Variants in SHB observed in about 807,000 individuals in gnomAD.
SHB encodes the protein SH2 domain containing adaptor protein B, also known as SH2 domain-containing adapter protein B.
Under a neutral mutation model 52.3 loss-of-function variants are expected in SHB, and 20 were observed. That is an observed-to-expected ratio of 0.38 (90% CI 0.27 to 0.56). The LOEUF is 0.56. Ranked by LOEUF, SHB falls within the 20% of genes least tolerant of loss-of-function variation. The pLI is 0.71. For missense variants in SHB, 825 were observed against 723.3 expected, an observed-to-expected ratio of 1.14 and a Z score of -1.61; for synonymous variants, 397 against 316.5, an observed-to-expected ratio of 1.25 and a Z score of -2.70.
At chr9:37,962,782 G>A (rs971656600) in intron 3 of SHB, among the ~76,000 whole-genome samples, 1 of 152,014 alleles carries the variant, frequency 6.6e-6, no homozygotes, top group Non-Finnish European at 1.5e-5. Flanking sequence ...CCAAACGCTG[G>A]GATTATAGGA....
chr9:38,014,655 A>G (rs1408133832), intron 2 of SHB, among the ~76,000 whole-genome samples: 1 of 152,212 alleles, frequency 6.6e-6, no homozygotes, highest in Non-Finnish European at 1.5e-5. Flanking sequence ...AGAAGTCTGG[A>G]CCTAAGTCCC....
chr9:37,991,255 A>G (rs1820878260), intron 2 of SHB, among the ~76,000 whole-genome samples: 1 of 152,194 alleles, frequency 6.6e-6, no homozygotes, highest in Non-Finnish European at 1.5e-5. Flanking sequence ...CAGATACCTG[A>G]GCTGGTATGG....
At chr9:37,951,424 GT>G (rs1236095270) in intron 4 of SHB, among the ~76,000 whole-genome samples, 3 of 152,258 alleles carry the variant, frequency 2.0e-5, no homozygotes, top group African/African-American at 7.2e-5. Flanking sequence ...CTACATGGCT[GT>G]AATCAGGAGA....
chr9:38,004,358 A>C (rs1007751874), intron 2 of SHB, among the ~76,000 whole-genome samples: 1 of 151,924 alleles, frequency 6.6e-6, no homozygotes, highest in African/African-American at 2.4e-5. Flanking sequence ...GGGAAGGTGA[A>C]CCTGAGCTGC....
intron 1 of SHB, among the ~76,000 whole-genome samples, chr9:38,062,201 T>C (rs1010361303): frequency 6.6e-6 from 1 of 152,134 alleles, no homozygotes; most frequent in Non-Finnish European, 1.5e-5. Flanking sequence ...AGGAAGCATA[T>C]AGGTTTTGAA....
intron 5 of SHB, among the ~76,000 whole-genome samples, chr9:37,939,383 G>C (rs1832411679): frequency 6.6e-6 from 1 of 152,226 alleles, no homozygotes; most frequent in Admixed American, 6.5e-5. Flanking sequence ...AAGCCCCTTT[G>C]AGCCTCTGTT....
intron 1 of SHB, among the ~76,000 whole-genome samples, chr9:38,046,168 A>G (rs182325732): frequency 4.7e-4 from 72 of 151,798 alleles, no homozygotes; most frequent in African/African-American, 1.4e-3. Context: ...CGGAAGTTGC[A>G]GTGAGCCGAG....
chr9:38,014,631 G>C (rs1821186614), intron 2 of SHB, among the ~76,000 whole-genome samples: 1 of 152,268 alleles, frequency 6.6e-6, no homozygotes, highest in South Asian at 2.1e-4. Context: ...GAGTGGGCAT[G>C]AGAGGGATGC....
chr9:37,941,151 T>C (rs1435308641), intron 5 of SHB, among the ~76,000 whole-genome samples: 4 of 152,122 alleles, frequency 2.6e-5, no homozygotes, highest in Non-Finnish European at 4.4e-5. Context: ...TAAAGGACAG[T>C]GGATGTGGGC....
intron 2 of SHB, among the ~76,000 whole-genome samples, chr9:38,008,513 G>T (rs1395300172): frequency 2.6e-5 from 4 of 152,260 alleles, no homozygotes; most frequent in African/African-American, 9.6e-5. Context: ...GACCAAGCCT[G>T]CTACCTGCCA....
intron 1 of SHB, 72 bp downstream of exon 1, chr9:38,067,857 C>T: frequency 7.2e-7 from 1 of 1,383,656 alleles, no homozygotes; most frequent in Non-Finnish European, 9.3e-7. Flanking sequence ...AACACCAGAG[C>T]GGCGGGTGCC....
At chr9:37,969,338 A>C (rs1177254093) in intron 3 of SHB, among the ~76,000 whole-genome samples, 1 of 152,118 alleles carries the variant, frequency 6.6e-6, no homozygotes, top group Non-Finnish European at 1.5e-5. Context: ...ATTTCTTCTC[A>C]TGGGACCTTA....
chr9:37,961,873 C>T (rs1452655360), intron 3 of SHB, among the ~76,000 whole-genome samples: 2 of 152,242 alleles, frequency 1.3e-5, no homozygotes, highest in Admixed American at 6.5e-5. Context: ...GAATTGGACA[C>T]TTTGCAGAGA....
rs565026068 is a variant in SHB, at chr9:38,053,244, C to CT, written c.717+14684dup. On this transcript the variant is annotated intron_variant, in intron 1 of 5. Coordinates refer to ENST00000377707, the MANE Select transcript of SHB (RefSeq NM_003028.3). ...GTTTCTCCATCTGCAAAATCAGACT[C>CT]TTTTTTTTTTTGAGATGGAGTCACT... Among the ~76,000 whole-genome samples the CT allele has an allele frequency of 6.2e-3, 908 of 147,336 alleles. 9 individuals carry two copies. Among genetic ancestry groups the CT allele is most frequent in the South Asian group, 0.026 (121 of 4,652 alleles).
intron 4 of SHB, among the ~76,000 whole-genome samples, chr9:37,950,613 T>G (rs1220108204): frequency 6.6e-6 from 1 of 151,634 alleles, no homozygotes; most frequent in Admixed American, 6.6e-5. Flanking sequence ...GTGGTTGGAG[T>G]GTGCTTTGTC....
intron 2 of SHB, among the ~76,000 whole-genome samples, chr9:37,987,745 T>A (rs1231354957): frequency 2.0e-5 from 3 of 152,096 alleles, no homozygotes; most frequent in Admixed American, 6.5e-5. Context: ...CCTGGGGTGG[T>A]ATCACGAGGA....
At position 38,068,921 on chromosome 9, in the gene SHB, C is replaced by G. The variant is rs1822017573; in HGVS notation, c.-276G>C. ...GCGTCTCATGGGGTCCCGGCCCACGCCCGGGGGAGAGCGGAAGGTCCGAGC... is the reference window on the plus strand; with the variant it reads ...GCGTCTCATGGGGTCCCGGCCCACGGCCGGGGGAGAGCGGAAGGTCCGAGC... On this transcript the variant is annotated 5_prime_UTR_variant, in exon 1 of 6. Transcript: ENST00000377707. 1 of 152,288 alleles carries G rather than the reference C, an allele frequency of 6.6e-6. No individual in the cohort carries two copies. Among genetic ancestry groups the G allele is most frequent in the Non-Finnish European group, 1.5e-5 (1 of 68,252 alleles). The allele number at this position is 152,288 out of a possible 1,614,324, so 9.4% of individuals were successfully genotyped here.
At chr9:37,994,607 T>C (rs142073837) in intron 2 of SHB, among the ~76,000 whole-genome samples, 197 of 152,290 alleles carry the variant, frequency 1.3e-3, no homozygotes, top group African/African-American at 4.5e-3. Context: ...TTAATATCAA[T>C]TTCATGGCGC....
At chr9:37,982,980 C>CA (rs1554702683) in intron 2 of SHB, among the ~76,000 whole-genome samples, 3 of 150,008 alleles carry the variant, frequency 2.0e-5, no homozygotes, top group African/African-American at 7.4e-5. Flanking sequence ...GGTGCCCCCC[C>CA]CTCCATCTTT....
Sources: gnomAD v4.1 joint callset for allele counts (sites outside exome capture counted in the v4.1 genomes callset) on GRCh38, gnomAD v4.1.1 for gene constraint, MANE v1.5 for transcripts, NCBI Gene and HGNC (gene_info 2026-07-23, HGNC 2026-07-21) for gene names.